MAP1B: variants seen among roughly 807,000 people sequenced by gnomAD.
The protein encoded by MAP1B is microtubule associated protein 1B.
MAP1B carries 12 observed loss-of-function variants against 176.1 expected under a neutral mutation model. That is an observed-to-expected ratio of 0.07 (90% CI 0.04 to 0.11). The LOEUF (loss-of-function observed/expected upper bound fraction) is 0.11, where lower values mean the gene tolerates loss of function less well. Ranked by LOEUF, MAP1B falls within the 10% of genes least tolerant of loss-of-function variation. The pLI is 1.00. For missense variants in MAP1B, 2,523 were observed against 2,990.5 expected, an observed-to-expected ratio of 0.84 and a Z score of 3.65; for synonymous variants, 1,044 against 1,135.0, an observed-to-expected ratio of 0.92 and a Z score of 1.61.
In MAP1B at chr5:72,200,362, C is replaced by T; in HGVS notation, c.7007C>T (p.Thr2336Ile). The T allele has an allele frequency of 6.2e-7, 1 of 1,613,234 alleles. No homozygotes were observed. The highest frequency in any genetic ancestry group is 8.5e-7 in the Non-Finnish European group (1 of 1,179,632). Reference sequence around the variant, plus strand: ...GCATCCAAGTCGGCCAAGACCGCCACTGCAGGTAGGTTGAGAAGGCTGGGC... The same window carrying T: ...GCATCCAAGTCGGCCAAGACCGCCATTGCAGGTAGGTTGAGAAGGCTGGGC... ...ASASKSAKTA[T>I]AGPGTTKTTK... The change falls in exon 5 of 7, where the codon ACT becomes ATT. Residue 2336 changes from threonine to isoleucine, a missense_variant. Thr to Ile is a moderately conservative substitution (Grantham distance 89, BLOSUM62 -1). Transcript: ENST00000296755.
chr5:72,202,877 C>T (rs892003975), intron 5 of MAP1B, among the ~76,000 whole-genome samples: 3 of 152,188 alleles, frequency 2.0e-5, no homozygotes. Flanking sequence ...CTAGAGAAAG[C>T]CTAGTCTTTC....
chr5:72,120,963 G>T (rs1745517027), intron 2 of MAP1B, among the ~76,000 whole-genome samples: 1 of 152,232 alleles, frequency 6.6e-6, no homozygotes, highest in Admixed American at 6.5e-5. Context: ...AGAAACGACT[G>T]CTTTCAGCAT....
chr5:72,199,523 A>T lies in MAP1B; in HGVS notation c.6168A>T (p.Thr2056=). Residue 2056 remains threonine, a synonymous_variant, in exon 5 of 7, where the codon ACA becomes ACT. Coordinates refer to ENST00000296755, the MANE Select transcript of MAP1B (RefSeq NM_005909.5). The surrounding 1 kb of genome is among the most constrained non-coding windows in gnomAD (Gnocchi z 4.2). ...EKITRTPQAS[T]YSYETSDLCY... Reference sequence around the variant, plus strand: ...TCACTAGAACCCCTCAGGCATCCACATATTCCTACGAGACTTCAGACCTAT... The same window carrying T: ...TCACTAGAACCCCTCAGGCATCCACTTATTCCTACGAGACTTCAGACCTAT... 6.2e-7 allele frequency: 1 copy of T among 1,614,184 alleles called. No individual in the cohort carries two copies. Among genetic ancestry groups the T allele is most frequent in the Non-Finnish European group, 8.5e-7 (1 of 1,180,032 alleles).
In MAP1B at chr5:72,195,617, T is replaced by C; in HGVS notation, c.2262T>C (p.Ala754=). 1 of 1,614,202 alleles carries C rather than the reference T, an allele frequency of 6.2e-7. No individual in the cohort carries two copies. Among genetic ancestry groups the C allele is most frequent in the Non-Finnish European group, 8.5e-7 (1 of 1,180,032 alleles). The change falls in exon 5 of 7, where the codon GCT becomes GCC. Residue 754 remains alanine, a synonymous_variant. Coordinates refer to ENST00000296755, the MANE Select transcript of MAP1B (RefSeq NM_005909.5). ...TGTCTGAAGCAAAAAAACCAGCTGCTTTAAAACCAAAAGTACCCAAGAAGG... is the reference window on the plus strand; with the variant it reads ...TGTCTGAAGCAAAAAAACCAGCTGCCTTAAAACCAAAAGTACCCAAGAAGG... ...TPLSEAKKPA[A]LKPKVPKKEE... is the part of the protein sequence containing the mutation.
At chr5:72,119,951 C>T (rs1159247010) in intron 2 of MAP1B, among the ~76,000 whole-genome samples, 1 of 152,112 alleles carries the variant, frequency 6.6e-6, no homozygotes, top group African/African-American at 2.4e-5. Context: ...AAAAGCAAAG[C>T]TAGGCTTACC....
intron 2 of MAP1B, among the ~76,000 whole-genome samples, chr5:72,122,405 T>C (rs1745547302): frequency 6.6e-6 from 1 of 152,154 alleles, no homozygotes; most frequent in African/African-American, 2.4e-5. Context: ...TAGAATTTTA[T>C]AGTGTACGCA....
At position 72,198,248 on chromosome 5, in the gene MAP1B, C is replaced by T; in HGVS notation, c.4893C>T (p.Ser1631=). The T allele has an allele frequency of 1.2e-6, 2 of 1,614,182 alleles. No homozygotes were observed. The highest frequency in any genetic ancestry group is 1.7e-6 in the Non-Finnish European group (2 of 1,180,022). ...ATTTCTCCCCTAAAACTGCAAAGTC[C>T]AGGACACCCGTTCAAGATCACAGAT... ...PPDFSPKTAK[S]RTPVQDHRSE... Residue 1631 remains serine, a synonymous_variant, in exon 5 of 7, where the codon TCC becomes TCT. Transcript: ENST00000296755.
At position 72,115,773 on chromosome 5, in the gene MAP1B, C is replaced by G. The variant is rs1248353284; in HGVS notation, c.260C>G (p.Ser87Cys). The G allele has an allele frequency of 1.2e-6, 2 of 1,613,608 alleles. No individual in the cohort carries two copies. Among genetic ancestry groups the G allele is most frequent in the Admixed American group, 3.3e-5 (2 of 60,030 alleles). ...CTCAAACTTTTTGTATCTCGACACT[C>G]TGCAAGATTCTCTCCTGAAGTCCCA... ...QELKLFVSRH[S>C]ARFSPEVPGQ... is the part of the protein sequence containing the mutation. Residue 87 changes from serine (S) to cysteine (C), a missense_variant, in exon 2 of 7, where the codon TCT (serine) becomes TGT (cysteine). Physicochemically the swap from Ser to Cys is moderately radical, Grantham distance 112. This residue lies in a region of MAP1B where 307 missense variants were observed against 438.4 expected (regional missense o/e 0.70). Transcript: ENST00000296755.
intron 2 of MAP1B, among the ~76,000 whole-genome samples, chr5:72,160,578 T>G (rs1283947977): frequency 6.6e-6 from 1 of 152,228 alleles, no homozygotes; most frequent in East Asian, 1.9e-4. Context: ...AGCCTCATGA[T>G]GTCATCATTT....
At chr5:72,165,224 A>G (rs1360140059) in intron 2 of MAP1B, among the ~76,000 whole-genome samples, 5 of 152,136 alleles carry the variant, frequency 3.3e-5, no homozygotes, top group African/African-American at 1.2e-4. Context: ...TTCTTTGCCA[A>G]TCATTGTCTG....
At chr5:72,180,647 C>G (rs941149000) in intron 2 of MAP1B, among the ~76,000 whole-genome samples, 2 of 152,182 alleles carry the variant, frequency 1.3e-5, no homozygotes, top group African/African-American at 4.8e-5. Flanking sequence ...CGTTCTTTGT[C>G]TGCTCAAACT....
At chr5:72,117,247 T>C (rs1382825425) in intron 2 of MAP1B, among the ~76,000 whole-genome samples, 4 of 152,182 alleles carry the variant, frequency 2.6e-5, no homozygotes, top group Non-Finnish European at 5.9e-5. Context: ...TTTTATTGTA[T>C]TTTTGTCTTG....
intron 4 of MAP1B, chr5:72,193,149 C>A: frequency 4.2e-6 from 1 of 235,450 alleles, no homozygotes; most frequent in African/African-American, 2.3e-5. Flanking sequence ...TGCTGGGTGA[C>A]CCACTCATGT....
At chr5:72,117,181 C>T (rs1288059482) in intron 2 of MAP1B, among the ~76,000 whole-genome samples, 1 of 151,328 alleles carries the variant, frequency 6.6e-6, no homozygotes, top group Non-Finnish European at 1.5e-5. Context: ...GACTGTCAGA[C>T]AGCATATGAT....
chr5:72,185,410 A>G (rs1056378695), intron 3 of MAP1B, among the ~76,000 whole-genome samples: 4 of 152,316 alleles, frequency 2.6e-5, no homozygotes, highest in Middle Eastern at 3.4e-3. Flanking sequence ...CCTGGGCAAC[A>G]TGGTAAAACC....
Position 72,199,738 on chromosome 5 carries a change from G to T in MAP1B, c.6383G>T (p.Gly2128Val), listed in dbSNP as rs749257822. 6.2e-7 allele frequency: 1 copy of T among 1,614,086 alleles called. No individual in the cohort carries two copies. Among genetic ancestry groups the T allele is most frequent in the South Asian group, 1.1e-5 (1 of 91,072 alleles). The change falls in exon 5 of 7, where the codon GGA (glycine) becomes GTA (valine). Residue 2128 changes from glycine (G) to valine (V), a missense_variant. By Grantham distance (109) the Gly-to-Val change is moderately radical. Transcript: ENST00000296755. The surrounding 1 kb of genome is among the most constrained non-coding windows in gnomAD (Gnocchi z 4.2). ...ESEKPLTQSG[G>V]APPPPGGKQQ... ...GAAAAGCCCCTCACTCAATCAGGGGGAGCCCCACCGCCTCCAGGAGGAAAG... is the reference window on the plus strand; with the variant it reads ...GAAAAGCCCCTCACTCAATCAGGGGTAGCCCCACCGCCTCCAGGAGGAAAG...
At position 72,198,112 on chromosome 5, in the gene MAP1B, T is replaced by G; in HGVS notation, c.4757T>G (p.Val1586Gly). ...AEVGSPHSTE[V>G]DDSLSVSVVQ... ...GTTGGCTCCCCACATTCCACAGAAG[T>G]AGATGACTCCCTTTCAGTGTCTGTT... The change falls in exon 5 of 7, where the codon GTA (valine) becomes GGA (glycine). Residue 1586 changes from valine (V) to glycine (G), a missense_variant. This residue lies in a region of MAP1B where 1,925 missense variants were observed against 2,126.0 expected (regional missense o/e 0.91). Coordinates refer to ENST00000296755, the MANE Select transcript of MAP1B (RefSeq NM_005909.5). The G allele has an allele frequency of 6.2e-7, 1 of 1,614,172 alleles. No homozygotes were observed. Among genetic ancestry groups the G allele is most frequent in the Non-Finnish European group, 8.5e-7 (1 of 1,180,014 alleles).
chr5:72,193,732 TGA>T, intron 4 of MAP1B, 132 bp from the exon 5 acceptor site: 1 of 940,348 alleles, frequency 1.1e-6, no homozygotes, highest in Non-Finnish European at 1.5e-6. Context: ...AACATCACTA[TGA>T]GAGTGCATGT....
intron 2 of MAP1B, among the ~76,000 whole-genome samples, chr5:72,149,065 T>C (rs553465917): frequency 9.2e-5 from 14 of 152,344 alleles, no homozygotes; most frequent in Non-Finnish European, 1.9e-4. Context: ...CCATGTCTTA[T>C]TCATTGCTGT....
Sources: gnomAD v4.1 joint callset for allele counts (sites outside exome capture counted in the v4.1 genomes callset) on GRCh38, gnomAD v4.1.1 for gene constraint, gnomAD v4.1.1 regional missense constraint, Gnocchi (gnomAD v3.1) non-coding constraint, MANE v1.5 for transcripts, NCBI Gene and HGNC (gene_info 2026-07-23, HGNC 2026-07-21) for gene names.